The following ZNF780B variants were observed in gnomAD, a reference collection of about 807,000 sequenced individuals.
The protein encoded by ZNF780B is zinc finger protein 780B, also known as zinc finger protein 779.
In ZNF780B, 52 loss-of-function variants were observed where a neutral mutation model predicts 74.1. The observed-to-expected ratio is 0.70, with a 90% CI of 0.56 to 0.88. ZNF780B has a LOEUF of 0.88. ZNF780B is among the 40% of genes least tolerant of loss of function. The pLI is 0.00. For missense variants in ZNF780B, 953 were observed against 1,007.6 expected (o/e 0.95, Z 0.73); for synonymous variants, 315 against 324.3 (o/e 0.97, Z 0.31).
At chr19:40,051,560 T>A (rs1973237087) in intron 1 of ZNF780B, among the ~76,000 whole-genome samples, 1 of 152,214 alleles carries the variant, frequency 6.6e-6, no homozygotes, top group Non-Finnish European at 1.5e-5. Context: ...TGGTCATATT[T>A]CTACATCCGA....
At chr19:40,038,830 G>T (rs1223875221) in intron 4 of ZNF780B, among the ~76,000 whole-genome samples, 1 of 150,420 alleles carries the variant, frequency 6.6e-6, no homozygotes. Context: ...CAGATGAGTA[G>T]GTTGTGAAAA....
intron 1 of ZNF780B, among the ~76,000 whole-genome samples, chr19:40,054,207 A>C (rs1372097800): frequency 6.6e-6 from 1 of 152,164 alleles, no homozygotes; most frequent in Non-Finnish European, 1.5e-5. Context: ...TGGTGTTTAC[A>C]GGTCGGGGGT....
In ZNF780B at chr19:40,035,780, G is replaced by A. The variant is rs367768391; in HGVS notation, c.1079C>T (p.Pro360Leu). 1 of 1,613,966 alleles carries A rather than the reference G, an allele frequency of 6.2e-7. No individual in the cohort carries two copies. Among genetic ancestry groups the A allele is most frequent in the Non-Finnish European group, 8.5e-7 (1 of 1,179,986 alleles). Residue 360 changes from proline to leucine, a missense_variant, in exon 5 of 5, where the codon CCC becomes CTC. By Grantham distance (98) the Pro-to-Leu change is moderately conservative. Transcript: ENST00000434248. ...CTTCCCGCATTCCCTGCATTCAAAGGGCTTCTCACCCATATGAATCTTCTG... is the reference window on the plus strand; with the variant it reads ...CTTCCCGCATTCCCTGCATTCAAAGAGCTTCTCACCCATATGAATCTTCTG... The part of the protein sequence containing the change: ...RHQKIHMGEK[P>L]FECRECGKAF...
chr19:40,044,020 G>T (rs1972807581), intron 4 of ZNF780B, among the ~76,000 whole-genome samples: 2 of 152,134 alleles, frequency 1.3e-5, no homozygotes, highest in African/African-American at 4.8e-5. Context: ...CTGTACACCG[G>T]AGCTGTTCCT....
At chr19:40,048,904 C>T (rs1411808713) in intron 2 of ZNF780B, 108 bp from the exon 3 acceptor site, 5 of 1,514,686 alleles carry the variant, frequency 3.3e-6, no homozygotes, top group Non-Finnish European at 4.5e-6. Flanking sequence ...TATGGAAAAT[C>T]GCAGAGTGCC....
In ZNF780B at chr19:40,053,982, G is replaced by A. The variant is rs185446481; in HGVS notation, c.-46+2207C>T. On this transcript the variant is annotated intron_variant, in intron 1 of 4. Coordinates refer to ENST00000434248, the MANE Select transcript of ZNF780B (RefSeq NM_001005851.3). ...ACCCTGGCCAACATGGCAAAACCCT[G>A]TCTCTACTAAAAATACAAAAATAAG... Among the ~76,000 whole-genome samples the A allele has an allele frequency of 3.9e-3, 590 of 152,320 alleles. 4 individuals carry two copies. The highest frequency in any genetic ancestry group is 0.017 in the Middle Eastern group (5 of 294).
intron 4 of ZNF780B, among the ~76,000 whole-genome samples, chr19:40,044,350 G>T (rs1972829994): frequency 1.3e-5 from 2 of 152,030 alleles, no homozygotes; most frequent in Non-Finnish European, 2.9e-5. Flanking sequence ...AAATATAAAA[G>T]TCAAAGACAA....
intron 3 of ZNF780B, among the ~76,000 whole-genome samples, chr19:40,047,832 T>A (rs920278592): frequency 2.0e-5 from 3 of 152,192 alleles, no homozygotes; most frequent in Admixed American, 1.3e-4. Flanking sequence ...AGAAATATAA[T>A]AATGCCTGTT....
chr19:40,029,572 C>T lies in ZNF780B; in HGVS notation c.*4785G>A, dbSNP rs912071441. On this transcript the variant is annotated 3_prime_UTR_variant, in exon 5 of 5. Coordinates refer to ENST00000434248, the MANE Select transcript of ZNF780B (RefSeq NM_001005851.3). ...TCTGACCTTAGGATGACATTTTCAACTCTGAAACTATTAAAAGAATTCTAA... is the reference window on the plus strand; with the variant it reads ...TCTGACCTTAGGATGACATTTTCAATTCTGAAACTATTAAAAGAATTCTAA... 1.3e-5 allele frequency: 2 copies of T among 154,606 alleles called. No individual in the cohort carries two copies. The highest frequency in any genetic ancestry group is 4.8e-5 in the African/African-American group (2 of 41,506). 9.6% of individuals were successfully genotyped at this position (154,606 alleles called of 1,614,324 possible).
At chr19:40,041,037 G>A (rs1317289095) in intron 4 of ZNF780B, among the ~76,000 whole-genome samples, 1 of 152,168 alleles carries the variant, frequency 6.6e-6, no homozygotes, top group African/African-American at 2.4e-5. Flanking sequence ...TCTCTTGTGA[G>A]CATTTAGTAC....
intron 4 of ZNF780B, among the ~76,000 whole-genome samples, chr19:40,038,710 C>T (rs1356686435): frequency 6.6e-6 from 1 of 152,138 alleles, no homozygotes; most frequent in East Asian, 1.9e-4. Flanking sequence ...GCATAAATGT[C>T]TTCTTTTGAG....
rs1221596519 is a variant in ZNF780B, at chr19:40,034,801, C to T, written c.2058G>A (p.Gln686=). 6.2e-7 allele frequency: 1 copy of T among 1,613,812 alleles called. No homozygotes were observed. ...TCGCACTGGAATGAGTTTTCTGATG[C>T]TGAATAAGGTTTGAAACACGACTAA... ...KGFSRVSNLI[Q]HQKTHSSAKP... is the part of the protein sequence containing the mutation. The change falls in exon 5 of 5, where the codon CAG becomes CAA. Residue 686 remains glutamine, a synonymous_variant. Transcript: ENST00000434248.
intron 2 of ZNF780B, among the ~76,000 whole-genome samples, chr19:40,049,210 G>A (rs1358508899): frequency 7.0e-6 from 1 of 142,274 alleles, no homozygotes; most frequent in African/African-American, 2.7e-5. Context: ...CTCCAGCCTG[G>A]GCTACAGAGT....
chr19:40,040,352 G>A (rs1805640581), intron 4 of ZNF780B, among the ~76,000 whole-genome samples: 1 of 152,180 alleles, frequency 6.6e-6, no homozygotes, highest in Admixed American at 6.5e-5. Context: ...GTTCATGAAG[G>A]ATATTCGTCT....
At position 40,052,135 on chromosome 19, in the gene ZNF780B, A is replaced by T. The variant is rs75034306; in HGVS notation, c.-45-1758T>A. On this transcript the variant is annotated intron_variant, in intron 1 of 4. Coordinates refer to ENST00000434248, the MANE Select transcript of ZNF780B (RefSeq NM_001005851.3). ...TTTATATAAGATCATTTACAGTGTC[A>T]TTCCAGGTATCACAATCTTTTGATT... 6.3e-3 allele frequency among the ~76,000 whole-genome samples: 955 copies of T among 152,300 alleles called. 10 individuals are homozygous for T. Among genetic ancestry groups the T allele is most frequent in the African/African-American group, 0.022 (899 of 41,560 alleles).
At position 40,048,700 on chromosome 19, in the gene ZNF780B, A is replaced by C. The variant is rs1229402857; in HGVS notation, c.106T>G (p.Leu36Val). The change falls in exon 3 of 5, where the codon TTG becomes GTG. Residue 36 changes from leucine to valine, a missense_variant. Leu to Val is a conservative substitution (Grantham distance 32). Coordinates refer to ENST00000434248, the MANE Select transcript of ZNF780B (RefSeq NM_001005851.3). Reference protein sequence around the residue: ...DQRTLYRDVMLENYSHLISLG... With the variant: ...DQRTLYRDVMVENYSHLISLG... ...GATATCAGGTGGCTGTAGTTCTCCAACATCACATCCCTGTACAAGGTCCTC... is the reference window on the plus strand; with the variant it reads ...GATATCAGGTGGCTGTAGTTCTCCACCATCACATCCCTGTACAAGGTCCTC... 13 of 1,614,220 alleles carry C rather than the reference A, an allele frequency of 8.1e-6. No homozygotes were observed. The highest frequency in any genetic ancestry group is 4.0e-5 in the African/African-American group (3 of 75,064).
At chr19:40,044,005 G>A (rs1306441912) in intron 4 of ZNF780B, among the ~76,000 whole-genome samples, 1 of 152,190 alleles carries the variant, frequency 6.6e-6, no homozygotes, top group African/African-American at 2.4e-5. Flanking sequence ...CGCTCATGCT[G>A]GGAGCTGTAC....
At chr19:40,044,229 C>T (rs1972822178) in intron 4 of ZNF780B, among the ~76,000 whole-genome samples, 1 of 152,150 alleles carries the variant, frequency 6.6e-6, no homozygotes, top group Admixed American at 6.5e-5. Flanking sequence ...GAAATAATAG[C>T]AGGAAACTTT....
At chr19:40,036,991 C>T (rs867954171) in intron 4 of ZNF780B, among the ~76,000 whole-genome samples, 1 of 151,986 alleles carries the variant, frequency 6.6e-6, no homozygotes, top group African/African-American at 2.4e-5. Context: ...TCACTGCACC[C>T]TCTACCTCCT....
Sources: gnomAD v4.1 joint callset for allele counts (sites outside exome capture counted in the v4.1 genomes callset) on GRCh38, gnomAD v4.1.1 for gene constraint, MANE v1.5 for transcripts, NCBI Gene and HGNC (gene_info 2026-07-23, HGNC 2026-07-21) for gene names.